CLASP2: variants seen among roughly 807,000 people sequenced by gnomAD.
CLASP2 encodes cytoplasmic linker associated protein 2, also known as CLIP-associating protein 2.
CLASP2 carries 47 observed loss-of-function variants against 194.4 expected under a neutral mutation model. The ratio of observed to expected loss-of-function variants is 0.24; its 90% CI spans 0.19 to 0.31. The LOEUF (loss-of-function observed/expected upper bound fraction) is 0.31. Among genes scored for constraint, CLASP2 ranks in the 10% least tolerant of loss-of-function variants. The probability of loss-of-function intolerance (pLI) is 1.00; values close to 1 mark genes in which losing one functional copy is unlikely to be tolerated. For missense variants in CLASP2, 1,445 were observed against 1,823.6 expected, an observed-to-expected ratio of 0.79 and a Z score of 3.78; for synonymous variants, 619 against 633.5, an observed-to-expected ratio of 0.98 and a Z score of 0.34.
chr3:33,559,448 A>C, intron 28 of CLASP2, 63 bp from the exon 29 acceptor site: 1 of 891,708 alleles, frequency 1.1e-6, no homozygotes, highest in Non-Finnish European at 1.8e-6. Context: ...TGTAACAGCA[A>C]AAGACTATGC....
intron 7 of CLASP2, among the ~76,000 whole-genome samples, chr3:33,647,928 G>A (rs1030989679): frequency 3.0e-4 from 45 of 152,080 alleles, no homozygotes; most frequent in Non-Finnish European, 1.3e-4. Context: ...AGCTACTCAG[G>A]AGGCTGAGGC....
intron 34 of CLASP2, among the ~76,000 whole-genome samples, chr3:33,525,763 T>C (rs2054369859): frequency 6.6e-6 from 1 of 152,168 alleles, no homozygotes; most frequent in Admixed American, 6.5e-5. Flanking sequence ...AGTGGGAGGT[T>C]AGACCCCTGT....
intron 7 of CLASP2, among the ~76,000 whole-genome samples, chr3:33,648,105 G>A (rs1293415780): frequency 6.6e-6 from 1 of 151,286 alleles, no homozygotes; most frequent in Middle Eastern, 3.4e-3. Flanking sequence ...TAACTGAAAA[G>A]AAGAGATACA....
At chr3:33,573,498 T>C (rs2064193142) in intron 24 of CLASP2, 144 bp from the exon 25 acceptor site, 1 of 867,710 alleles carries the variant, frequency 1.2e-6, no homozygotes, top group African/African-American at 1.7e-5. Context: ...AGAATGTCAG[T>C]ATTTAGTTTT....
At chr3:33,539,291 C>T (rs567406193) in intron 32 of CLASP2, among the ~76,000 whole-genome samples, 15 of 151,984 alleles carry the variant, frequency 9.9e-5, no homozygotes, top group Non-Finnish European at 2.1e-4. Flanking sequence ...CAAAAAAAAT[C>T]ATGAAAATTA....
intron 8 of CLASP2, among the ~76,000 whole-genome samples, chr3:33,637,307 G>A (rs1472484091): frequency 1.6e-4 from 25 of 152,258 alleles, no homozygotes; most frequent in Admixed American, 1.2e-3. Flanking sequence ...CAAGGCAGGC[G>A]GATCACTGGA....
At chr3:33,548,747 G>A (rs984658844) in intron 30 of CLASP2, among the ~76,000 whole-genome samples, 6 of 148,956 alleles carry the variant, frequency 4.0e-5, no homozygotes, top group Admixed American at 2.0e-4. Context: ...AATAGGTAAC[G>A]ACTACGGTTT....
chr3:33,632,663 ATAAG>A lies in CLASP2; in HGVS notation c.863-296_863-293del, dbSNP rs367597414. On this transcript the variant is annotated intron_variant, in intron 8 of 38. Coordinates refer to ENST00000682230, the MANE Select transcript of CLASP2 (RefSeq NM_001365631.1). ...AATGCACTAGCAAACACAAATAAAC[ATAAG>A]TAAGGACAAACATTTTAAAAGTTGA... is the stretch of plus-strand genomic sequence containing the variant. Among the ~76,000 whole-genome samples, 64 of 152,322 alleles carry A rather than the reference ATAAG, an allele frequency of 4.2e-4. No individual in the cohort carries two copies. The East Asian group carries it at 9.3e-3, about 22-fold the overall frequency.
chr3:33,642,818 G>A (rs2081557531), intron 8 of CLASP2, among the ~76,000 whole-genome samples: 1 of 151,496 alleles, frequency 6.6e-6, no homozygotes, highest in Non-Finnish European at 1.5e-5. Flanking sequence ...ATAGAAAAAT[G>A]GGCAATAAAC....
chr3:33,609,916 T>A (rs1356810249), intron 13 of CLASP2, among the ~76,000 whole-genome samples: 1 of 152,222 alleles, frequency 6.6e-6, no homozygotes, highest in Non-Finnish European at 1.5e-5. Flanking sequence ...TTAAATTAAC[T>A]TGCTCAAAGT....
intron 6 of CLASP2, among the ~76,000 whole-genome samples, chr3:33,675,115 C>T (rs1195596327): frequency 6.6e-6 from 1 of 152,176 alleles, no homozygotes; most frequent in African/African-American, 2.4e-5. Flanking sequence ...GATACCAAAG[C>T]CGCGCAGAGA....
At chr3:33,674,967 T>C (rs1461495321) in intron 6 of CLASP2, among the ~76,000 whole-genome samples, 4 of 151,568 alleles carry the variant, frequency 2.6e-5, no homozygotes, top group Non-Finnish European at 5.9e-5. Context: ...CCAAAAAGGG[T>C]CCAGGACCAG....
At chr3:33,570,214 T>A (rs2063486833) in intron 26 of CLASP2, among the ~76,000 whole-genome samples, 1 of 152,214 alleles carries the variant, frequency 6.6e-6, no homozygotes, top group Non-Finnish European at 1.5e-5. Context: ...AACAAAGTTC[T>A]GAAAATTTTT....
At chr3:33,593,326 A>T (rs1386165608) in intron 20 of CLASP2, among the ~76,000 whole-genome samples, 2 of 152,222 alleles carry the variant, frequency 1.3e-5, no homozygotes, top group Non-Finnish European at 2.9e-5. Context: ...CAATAGTCTC[A>T]ACTGCTATCA....
At chr3:33,666,453 A>G (rs952268717) in intron 6 of CLASP2, among the ~76,000 whole-genome samples, 24 of 152,350 alleles carry the variant, frequency 1.6e-4, no homozygotes, top group Admixed American at 5.9e-4. Flanking sequence ...GCCATTTCAT[A>G]TAAATGGAAT....
intron 8 of CLASP2, among the ~76,000 whole-genome samples, chr3:33,636,419 T>C (rs1373412562): frequency 6.6e-6 from 1 of 150,940 alleles, no homozygotes; most frequent in Non-Finnish European, 1.5e-5. Context: ...TAAAAGTAAC[T>C]CCCTAAAATT....
chr3:33,654,559 G>A (rs2083818411), intron 7 of CLASP2, among the ~76,000 whole-genome samples: 1 of 151,926 alleles, frequency 6.6e-6, no homozygotes, highest in African/African-American at 2.4e-5. Flanking sequence ...TAATAAAGGG[G>A]AAAAGCTTAC....
chr3:33,715,173 A>C (rs550688460), intron 1 of CLASP2, among the ~76,000 whole-genome samples: 1 of 152,080 alleles, frequency 6.6e-6, no homozygotes, highest in Non-Finnish European at 1.5e-5. Flanking sequence ...ACCTTTCTTG[A>C]CCACCCAAAG....
chr3:33,699,016 G>T (rs1468426562), intron 1 of CLASP2, among the ~76,000 whole-genome samples: 2 of 152,154 alleles, frequency 1.3e-5, no homozygotes, highest in African/African-American at 2.4e-5. Flanking sequence ...CCAGCAGAGA[G>T]ACCAAAACTT....
Sources: gnomAD v4.1 joint callset for allele counts (sites outside exome capture counted in the v4.1 genomes callset) on GRCh38, gnomAD v4.1.1 for gene constraint, MANE v1.5 for transcripts, NCBI Gene and HGNC (gene_info 2026-07-23, HGNC 2026-07-21) for gene names.